Variants in PTPRJ observed in about 807,000 individuals in gnomAD.
PTPRJ encodes receptor-type tyrosine-protein phosphatase eta.
A neutral mutation model predicts 141.3 loss-of-function variants in PTPRJ; 129 were observed. The observed-to-expected ratio is 0.91, with a 90% CI of 0.79 to 1.06. The LOEUF is 1.06. Ranked by LOEUF, PTPRJ falls within the 50% of genes least tolerant of loss-of-function variation. The pLI, the probability that PTPRJ is intolerant of heterozygous loss-of-function variation, is 0.00. For synonymous variants in PTPRJ, 610 were observed against 640.5 expected (o/e 0.95, Z 0.72); for missense variants, 1,601 against 1,679.7 (o/e 0.95, Z 0.82).
At chr11:48,073,140 C>T (rs1855304019) in intron 1 of PTPRJ, among the ~76,000 whole-genome samples, 1 of 152,192 alleles carries the variant, frequency 6.6e-6, no homozygotes, top group African/African-American at 2.4e-5. Flanking sequence ...TTTGGTTCCT[C>T]TGGGCTCACA....
At chr11:48,130,331 A>T in intron 7 of PTPRJ, 128 bp from the exon 8 acceptor site, 1 of 959,496 alleles carries the variant, frequency 1.0e-6, no homozygotes, top group Non-Finnish European at 1.5e-6. Flanking sequence ...AGGTGATGAT[A>T]CAAAGAAGAC....
intron 8 of PTPRJ, among the ~76,000 whole-genome samples, chr11:48,131,078 T>A (rs1485015065): frequency 2.4e-3 from 292 of 120,944 alleles, no homozygotes; most frequent in African/African-American, 8.9e-3. Context: ...ATATTTTTTT[T>A]TTTTTTTTTT....
intron 1 of PTPRJ, among the ~76,000 whole-genome samples, chr11:48,033,193 A>T (rs1369777739): frequency 6.6e-6 from 1 of 152,128 alleles, no homozygotes; most frequent in African/African-American, 2.4e-5. Flanking sequence ...GGCCATAGGA[A>T]ACAGCTGGTG....
intron 1 of PTPRJ, among the ~76,000 whole-genome samples, chr11:48,102,977 A>AC (rs1856187388): frequency 6.6e-6 from 1 of 152,068 alleles, no homozygotes; most frequent in East Asian, 1.9e-4. Flanking sequence ...GAGTTGCTAG[A>AC]CCATTCTGGG....
intron 8 of PTPRJ, among the ~76,000 whole-genome samples, chr11:48,134,880 T>C (rs1333617413): frequency 6.6e-6 from 1 of 152,160 alleles, no homozygotes; most frequent in Non-Finnish European, 1.5e-5. Flanking sequence ...TTTCTTCCCT[T>C]CCTCATCCGT....
intron 1 of PTPRJ, among the ~76,000 whole-genome samples, chr11:47,983,139 A>G (rs1379101195): frequency 6.6e-6 from 1 of 152,108 alleles, no homozygotes; most frequent in African/African-American, 2.4e-5. Flanking sequence ...AGAAGACAAG[A>G]TGGGAACCTG....
intron 10 of PTPRJ, 63 bp from the exon 11 acceptor site, chr11:48,139,423 T>C: frequency 6.4e-7 from 1 of 1,558,152 alleles, no homozygotes; most frequent in Non-Finnish European, 8.8e-7. Flanking sequence ...TGCTACTCCC[T>C]ATTTCCATGT....
intron 1 of PTPRJ, among the ~76,000 whole-genome samples, chr11:47,985,330 G>C (rs1468159621): frequency 1.3e-5 from 2 of 150,914 alleles, no homozygotes; most frequent in Non-Finnish European, 2.9e-5. Context: ...TTTTTTAATA[G>C]AGATGGTGTC....
At chr11:48,153,759 A>T (rs762264718) in intron 18 of PTPRJ, 37 bp from the exon 19 acceptor site, 9 of 1,344,250 alleles carry the variant, frequency 6.7e-6, no homozygotes, top group Non-Finnish European at 9.6e-6. Context: ...ATATTTGAAG[A>T]CTAAATAAAT....
In PTPRJ at chr11:48,007,485, C is replaced by T. The variant is rs375525703; in HGVS notation, c.96+26477C>T. ...TGCAGTGGCACAATCTTGGTGCAACCTCCGTCTCCCAGGTTCAAGCGATTC... is the reference window on the plus strand; with the variant it reads ...TGCAGTGGCACAATCTTGGTGCAACTTCCGTCTCCCAGGTTCAAGCGATTC... On this transcript the variant is annotated intron_variant, in intron 1 of 24. Coordinates refer to ENST00000418331, the MANE Select transcript of PTPRJ (RefSeq NM_002843.4). Among the ~76,000 whole-genome samples the T allele has an allele frequency of 1.1e-4, 17 of 152,168 alleles. 1 individual carries two copies. In the East Asian group the frequency reaches 2.7e-3, roughly 24 times the overall value.
At chr11:48,024,781 A>G (rs536502200) in intron 1 of PTPRJ, among the ~76,000 whole-genome samples, 17 of 152,212 alleles carry the variant, frequency 1.1e-4, no homozygotes, top group Non-Finnish European at 2.2e-4. Context: ...TCTGAGTGGC[A>G]TCTGCGCCAG....
intron 1 of PTPRJ, among the ~76,000 whole-genome samples, chr11:48,040,611 T>TC (rs1854250011): frequency 6.7e-6 from 1 of 149,394 alleles, no homozygotes; most frequent in South Asian, 2.1e-4. Context: ...TTCTTCTTCT[T>TC]CTTTTTTTTT....
chr11:48,141,714 G>A (rs1479965128), intron 11 of PTPRJ, among the ~76,000 whole-genome samples: 2 of 152,090 alleles, frequency 1.3e-5, no homozygotes, highest in Non-Finnish European at 2.9e-5. Flanking sequence ...TAATGAACCC[G>A]GCTCATCTTG....
chr11:48,116,629 C>T (rs1373816505), intron 3 of PTPRJ, among the ~76,000 whole-genome samples: 3 of 152,208 alleles, frequency 2.0e-5, no homozygotes, highest in African/African-American at 4.8e-5. Flanking sequence ...ACACACTTTT[C>T]AACTGCACCT....
chr11:48,000,959 A>C, intron 1 of PTPRJ, among the ~76,000 whole-genome samples: 1 of 145,518 alleles, frequency 6.9e-6, no homozygotes, highest in African/African-American at 2.6e-5. Context: ...AATGGACTGG[A>C]CCTCCTCTTC....
At chr11:48,142,895 A>T (rs769110216) in intron 11 of PTPRJ, 24 bp from the exon 12 acceptor site, 5 of 1,602,814 alleles carry the variant, frequency 3.1e-6, no homozygotes, top group Non-Finnish European at 4.3e-6. Flanking sequence ...TTGGGTGATC[A>T]TGTTTTGTTT....
chr11:48,074,655 G>C (rs1201935239), intron 1 of PTPRJ, among the ~76,000 whole-genome samples: 1 of 152,166 alleles, frequency 6.6e-6, no homozygotes. Context: ...GATGCAATTT[G>C]GGTGAAACTG....
At chr11:48,121,566 G>A (rs1052851930) in intron 4 of PTPRJ, among the ~76,000 whole-genome samples, 1 of 152,142 alleles carries the variant, frequency 6.6e-6, no homozygotes, top group Non-Finnish European at 1.5e-5. Flanking sequence ...TTAAAAACGC[G>A]TGTCTTCATG....
chr11:48,126,634 TA>T (rs1856839063), intron 6 of PTPRJ, among the ~76,000 whole-genome samples: 1 of 151,918 alleles, frequency 6.6e-6, no homozygotes, highest in African/African-American at 2.4e-5. Context: ...GCCTTTTTGA[TA>T]AGGGCACTAA....
Sources: allele counts gnomAD v4.1 joint callset (sites outside exome capture counted in the v4.1 genomes callset), GRCh38; gene constraint gnomAD v4.1.1; transcripts MANE v1.5; gene names NCBI Gene and HGNC (gene_info 2026-07-23, HGNC 2026-07-21).